Variants in ATP7A observed in about 807,000 individuals in gnomAD.
ATP7A encodes copper-transporting ATPase 1.
A neutral mutation model predicts 83.5 loss-of-function variants in ATP7A; 7 were observed. The ratio of observed to expected loss-of-function variants is 0.08; its 90% CI spans 0.05 to 0.16. The LOEUF is 0.16. ATP7A is among the 10% of genes least tolerant of loss of function. The pLI is 1.00. For missense variants in ATP7A, 940 were observed against 1,120.8 expected, an observed-to-expected ratio of 0.84 and a Z score of 2.30; for synonymous variants, 354 against 395.2, an observed-to-expected ratio of 0.90 and a Z score of 1.24.
chrX:78,014,263 G>A (rs2077846162), intron 10 of ATP7A, among the ~76,000 whole-genome samples: 1 of 108,836 alleles, frequency 9.2e-6, no homozygotes, highest in African/African-American at 3.3e-5. Context: ...AAATTAGCCA[G>A]GCATGGTGGC....
rs782588630 is a variant in ATP7A at position 78,038,835 on chromosome X, GATGCTCTTA to G, written c.3518_3526del (p.Leu1173_Ala1175del). ...AATGTTATTTCTGTGCCTACTTTCA[GATGCTCTTA>G]ATGCTCAGCAGTATAAAGTCCTCAT... On this transcript the variant is annotated inframe_deletion and splice_region_variant, in exon 18 of 23. Coordinates refer to ENST00000341514, the MANE Select transcript of ATP7A (RefSeq NM_000052.7). 1.7e-6 allele frequency: 2 copies of G among 1,210,190 alleles called. No homozygotes were observed. Among genetic ancestry groups the G allele is most frequent in the Non-Finnish European group, 2.2e-6 (2 of 894,386 alleles).
intron 5 of ATP7A, among the ~76,000 whole-genome samples, chrX:78,001,901 G>A (rs1038858757): frequency 9.0e-6 from 1 of 111,159 alleles, no homozygotes; most frequent in Admixed American, 9.6e-5. Flanking sequence ...AACAAGTTGC[G>A]TGGGACTTTT....
At chrX:77,924,799 C>T (rs1247679153) in intron 1 of ATP7A, 2 of 111,911 alleles carry the variant, frequency 1.8e-5, no homozygotes, top group African/African-American at 6.5e-5. Flanking sequence ...TCAAGTGATT[C>T]TCCTGCCTCA....
intron 6 of ATP7A, among the ~76,000 whole-genome samples, chrX:78,007,375 G>T (rs782431359): frequency 1.3e-4 from 14 of 110,799 alleles, no homozygotes; most frequent in African/African-American, 4.6e-4. Context: ...GCCCAGGCTG[G>T]AGTGCAGTGG....
rs782516101 is a variant in ATP7A at position 77,989,279 on chromosome X, T to G, written c.657T>G (p.Leu219=). The G allele has an allele frequency of 4.1e-6, 5 of 1,208,057 alleles. No homozygotes were observed. In the East Asian group the frequency reaches 1.5e-4, roughly 36 times the overall value. The change falls in exon 4 of 23, where the codon CTT becomes CTG. Residue 219 remains leucine (L), a synonymous_variant. Coordinates refer to ENST00000341514, the MANE Select transcript of ATP7A (RefSeq NM_000052.7). ...CTACTATTGTTTATCAACCTCATCT[T>G]ATCTCAGTAGAGGAAATGAAAAAGC... ...QEATIVYQPH[L]ISVEEMKKQI...
chrX:78,003,422 C>T (rs183316280), intron 6 of ATP7A, among the ~76,000 whole-genome samples, 186 bp downstream of exon 6: 3 of 109,323 alleles, frequency 2.7e-5, no homozygotes, highest in Admixed American at 1.0e-4. Flanking sequence ...AGATAATTGT[C>T]GTATCTCTGT....
At chrX:78,009,951 T>C (rs958448538) in intron 7 of ATP7A, among the ~76,000 whole-genome samples, 12 of 112,824 alleles carry the variant, frequency 1.1e-4, no homozygotes, top group African/African-American at 3.9e-4. Context: ...AACACAATCC[T>C]TTCTTTGTGA....
chrX:78,024,611 C>T lies in ATP7A; in HGVS notation c.2916+3532C>T, dbSNP rs183540027. ...AAGGGCGAGGCTCAACTCCCTCTCC[C>T]GACAGAGTGGCACTGTCCCAGCAAG... On this transcript the variant is annotated intron_variant, in intron 14 of 22. Transcript: ENST00000341514. Among the ~76,000 whole-genome samples the T allele has an allele frequency of 4.9e-4, 55 of 111,883 alleles. No individual in the cohort carries two copies. In the South Asian group the frequency reaches 9.1e-3, roughly 19 times the overall value.
chrX:78,010,619 G>A lies in ATP7A; in HGVS notation c.1870-557G>A, dbSNP rs372756861. On this transcript the variant is annotated intron_variant, in intron 7 of 22. Transcript: ENST00000341514. ...TTTGGAGACAGAGTCTCACTCTGTC[G>A]CCTGGGCTGGAGTGCAGTGGTGCGA... Among the ~76,000 whole-genome samples the A allele has an allele frequency of 6.4e-5, 5 of 78,237 alleles. No homozygotes were observed. The South Asian group carries it at 2.6e-3, about 41-fold the overall frequency. 67.9% of individuals were successfully genotyped at this position (78,237 alleles called of 115,157 possible). A position where few individuals can be genotyped will look rare whatever the true frequency, so the allele number is the denominator to read the frequency against.
intron 1 of ATP7A, among the ~76,000 whole-genome samples, chrX:77,916,294 G>T (rs1452830118): frequency 9.6e-6 from 1 of 104,361 alleles, no homozygotes; most frequent in African/African-American, 3.5e-5. Context: ...GGTTGAGGCT[G>T]CAATGAGCTG....
At chrX:77,994,571 G>A (rs781936179) in intron 4 of ATP7A, among the ~76,000 whole-genome samples, 37 of 106,678 alleles carry the variant, frequency 3.5e-4, no homozygotes, top group African/African-American at 1.2e-3. Flanking sequence ...ACACAATCTC[G>A]CTCTGTTGCC....
At chrX:77,996,817 A>C (rs1340688736) in intron 4 of ATP7A, among the ~76,000 whole-genome samples, 3 of 111,728 alleles carry the variant, frequency 2.7e-5, no homozygotes, top group East Asian at 2.8e-4. Context: ...ATTAAGTCTC[A>C]ATAGTAATTA....
intron 14 of ATP7A, among the ~76,000 whole-genome samples, chrX:78,026,920 G>A (rs1373564441): frequency 3.6e-5 from 4 of 111,228 alleles, no homozygotes; most frequent in Non-Finnish European, 7.6e-5. Context: ...AGGCCGAGGC[G>A]GGTGGATCCC....
intron 1 of ATP7A, among the ~76,000 whole-genome samples, chrX:77,916,693 A>T (rs1234844964): frequency 8.9e-6 from 1 of 111,826 alleles, no homozygotes; most frequent in African/African-American, 3.2e-5. Context: ...CTACTCTGCA[A>T]ATAGCTGCAT....
chrX:78,026,512 G>A (rs1033885422), intron 14 of ATP7A, among the ~76,000 whole-genome samples: 15 of 111,734 alleles, frequency 1.3e-4, no homozygotes, highest in Non-Finnish European at 2.4e-4. Flanking sequence ...CCCACTGACA[G>A]CACTAGAGAG....
chrX:77,950,243 A>G (rs1041223906), intron 1 of ATP7A, among the ~76,000 whole-genome samples: 8 of 112,324 alleles, frequency 7.1e-5, no homozygotes, highest in African/African-American at 2.6e-4. Flanking sequence ...TCAAGGGGAC[A>G]GGGAAAAGGA....
chrX:77,931,006 T>C (rs200811999), intron 1 of ATP7A, among the ~76,000 whole-genome samples: 5 of 12,822 alleles, frequency 3.9e-4, no homozygotes, highest in African/African-American at 1.6e-3. Flanking sequence ...TTTTTTTTTT[T>C]ACCTTTTTTT....
intron 19 of ATP7A, among the ~76,000 whole-genome samples, 160 bp downstream of exon 19, chrX:78,040,893 T>C (rs1340522092): frequency 8.9e-6 from 1 of 112,437 alleles, no homozygotes; most frequent in African/African-American, 3.2e-5. Flanking sequence ...TGGAAAGACT[T>C]TGGGCTTTGT....
chrX:77,992,309 G>A (rs1484911672), intron 4 of ATP7A, among the ~76,000 whole-genome samples: 3 of 109,329 alleles, frequency 2.7e-5, no homozygotes, highest in South Asian at 3.9e-4. Flanking sequence ...GTGATCCACC[G>A]GCCTTTGCTT....
Sources: gnomAD v4.1 joint callset for allele counts (sites outside exome capture counted in the v4.1 genomes callset) on GRCh38, gnomAD v4.1.1 for gene constraint, MANE v1.5 for transcripts, NCBI Gene and HGNC (gene_info 2026-07-23, HGNC 2026-07-21) for gene names.